The following PRDM2 variants were observed in gnomAD, a reference collection of about 807,000 sequenced individuals.
The protein encoded by PRDM2 is PR/SET domain 2.
PRDM2 carries 30 observed loss-of-function variants against 130.0 expected under a neutral mutation model. The observed-to-expected ratio is 0.23, with a 90% CI of 0.17 to 0.31. The LOEUF is 0.31. Ranked by LOEUF, PRDM2 falls within the 10% of genes least tolerant of loss-of-function variation. The pLI is 1.00. For missense variants in PRDM2, 2,011 were observed against 2,108.4 expected (o/e 0.95, Z 0.90); for synonymous variants, 871 against 782.4 (o/e 1.11, Z -1.89).
chr1:13,708,217 T>C (rs1217434248), intron 1 of PRDM2, among the ~76,000 whole-genome samples: 1 of 152,104 alleles, frequency 6.6e-6, no homozygotes, highest in Non-Finnish European at 1.5e-5. Flanking sequence ...GGAAGAGTTA[T>C]TCTGACAGGG....
chr1:13,793,817 A>C (rs757002127), intron 8 of PRDM2, among the ~76,000 whole-genome samples: 1 of 152,156 alleles, frequency 6.6e-6, no homozygotes, highest in Non-Finnish European at 1.5e-5. Context: ...TGATGAGCTA[A>C]AACAAAAGAA....
At chr1:13,770,225 G>T in intron 6 of PRDM2, 2 of 394,488 alleles carry the variant, frequency 5.1e-6, no homozygotes, top group Non-Finnish European at 1.0e-5. Flanking sequence ...AGTTCTCGCT[G>T]ATTAGGTTTT....
At chr1:13,723,230 A>G (rs1011929569) in intron 2 of PRDM2, among the ~76,000 whole-genome samples, 14 of 152,124 alleles carry the variant, frequency 9.2e-5, no homozygotes, top group African/African-American at 3.4e-4. Context: ...TCCCCCTGCC[A>G]TCCTAACTAA....
At chr1:13,748,206 T>C (rs940592528) in intron 5 of PRDM2, among the ~76,000 whole-genome samples, 2 of 152,250 alleles carry the variant, frequency 1.3e-5, no homozygotes, top group Non-Finnish European at 2.9e-5. Flanking sequence ...TTGTTTTTTT[T>C]CTTTTGTAAT....
At chr1:13,787,882 T>A in intron 8 of PRDM2, 1 of 982,616 alleles carries the variant, frequency 1.0e-6, no homozygotes, top group Non-Finnish European at 1.2e-6. Flanking sequence ...AATGTAGCAC[T>A]GAGAGAGAGA....
At chr1:13,714,956 A>G (rs940469418) in intron 1 of PRDM2, among the ~76,000 whole-genome samples, 2 of 152,222 alleles carry the variant, frequency 1.3e-5, no homozygotes, top group African/African-American at 2.4e-5. Context: ...TTATTTTACT[A>G]TACTATGAAT....
chr1:13,759,142 T>G (rs1408066649), intron 6 of PRDM2, among the ~76,000 whole-genome samples: 1 of 150,950 alleles, frequency 6.6e-6, no homozygotes, highest in Admixed American at 6.6e-5. Flanking sequence ...CAGCATTGCT[T>G]AGGCTAAAAT....
chr1:13,767,512 C>T (rs1644256277), intron 6 of PRDM2, among the ~76,000 whole-genome samples: 1 of 149,488 alleles, frequency 6.7e-6, no homozygotes. Flanking sequence ...CACTATGTTG[C>T]CAAGGCTGGT....
At chr1:13,756,186 C>G (rs910513068) in intron 6 of PRDM2, among the ~76,000 whole-genome samples, 1 of 151,354 alleles carries the variant, frequency 6.6e-6, no homozygotes, top group Non-Finnish European at 1.5e-5. Context: ...TGGCGTGAAC[C>G]CGGGAGGCAG....
chr1:13,805,262 C>T (rs1283000474), intron 8 of PRDM2, among the ~76,000 whole-genome samples: 7 of 152,162 alleles, frequency 4.6e-5, no homozygotes, highest in Admixed American at 1.3e-4. Context: ...TATGGCTCAG[C>T]GAGGTAGAGG....
chr1:13,742,150 C>A lies in PRDM2; in HGVS notation c.377C>A (p.Thr126Asn), dbSNP rs1410530027. Residue 126 changes from threonine to asparagine, a missense_variant, in exon 5 of 10, where the codon ACT (threonine) becomes AAT (asparagine). By Grantham distance (65) the Thr-to-Asn change is moderately conservative. This residue lies in a region of PRDM2 where 1,288 missense variants were observed against 1,237.7 expected (regional missense o/e 1.04). Coordinates refer to ENST00000311066, the MANE Select transcript of PRDM2 (RefSeq NM_001393986.1). ...ATCAACAGAGCCATTTACTATAAAA[C>A]TTTAAAGGTAACAGCATTAGAATTA... ...LEINRAIYYK[T>N]LKPIAPGEEL... 6.2e-7 allele frequency: 1 copy of A among 1,613,380 alleles called. No homozygotes were observed. Among genetic ancestry groups the A allele is most frequent in the South Asian group, 1.1e-5 (1 of 91,048 alleles).
intron 8 of PRDM2, among the ~76,000 whole-genome samples, chr1:13,808,724 C>T (rs947618468): frequency 2.0e-5 from 3 of 152,176 alleles, no homozygotes; most frequent in African/African-American, 2.4e-5. Context: ...TATTCACTCA[C>T]GCACAGTTAG....
chr1:13,792,729 G>T (rs1440380936), intron 8 of PRDM2, among the ~76,000 whole-genome samples: 1 of 152,216 alleles, frequency 6.6e-6, no homozygotes, highest in Admixed American at 6.5e-5. Context: ...GGACCCTCGG[G>T]GTGTAGCTAA....
chr1:13,808,859 C>T (rs1645127811), intron 8 of PRDM2, among the ~76,000 whole-genome samples: 1 of 152,188 alleles, frequency 6.6e-6, no homozygotes. Flanking sequence ...CGTGTGGGGG[C>T]CGGTGTGGGA....
rs182132916 is a variant in PRDM2 at position 13,816,465 on chromosome 1, C to T, written c.5075C>T (p.Ala1692Val). ...LRLASRCSPPAAPYITRQYRK... is the reference protein window; with the variant it reads ...LRLASRCSPPVAPYITRQYRK... ...TTGGCGTCCCGATGCTCTCCACCAG[C>T]GGCCCCGTACATCACCAGGCAGTAT... is the stretch of plus-strand genomic sequence containing the variant. The change falls in exon 9 of 10, where the codon GCG becomes GTG. Residue 1692 changes from alanine (A) to valine (V), a missense_variant. Physicochemically the swap from Ala to Val is moderately conservative, Grantham distance 64. This residue lies in a region of PRDM2 where 410 missense variants were observed against 395.9 expected (regional missense o/e 1.04). Transcript: ENST00000311066. 59 of 1,614,150 alleles carry T rather than the reference C, an allele frequency of 3.7e-5. No individual in the cohort carries two copies. The Middle Eastern group carries it at 8.2e-4, about 23-fold the overall frequency.
In PRDM2 at chr1:13,782,326, A is replaced by G. The variant is rs142517374; in HGVS notation, c.4531A>G (p.Ser1511Gly). ...SPASSDKNSN[S>G]NHRRRTADAE... ...TGCAAGTAGTGACAAAAACAGTAAC[A>G]GCAACCACCGCAGACGGACAGCGGA... is the stretch of plus-strand genomic sequence containing the variant. The change falls in exon 8 of 10, where the codon AGC becomes GGC. Residue 1511 changes from serine (S) to glycine (G), a missense_variant. Transcript: ENST00000311066. 189 of 1,613,978 alleles carry G rather than the reference A, an allele frequency of 1.2e-4. No individual in the cohort carries two copies. The African/African-American group carries it at 2.2e-3, about 18-fold the overall frequency.
intron 6 of PRDM2, among the ~76,000 whole-genome samples, chr1:13,757,958 T>C (rs1643999869): frequency 1.3e-5 from 2 of 152,160 alleles, no homozygotes; most frequent in South Asian, 2.1e-4. Flanking sequence ...CCCTAACCTA[T>C]CCATGTGTGC....
At chr1:13,741,346 C>G (rs1182303623) in intron 4 of PRDM2, among the ~76,000 whole-genome samples, 2 of 152,124 alleles carry the variant, frequency 1.3e-5, no homozygotes, top group Non-Finnish European at 2.9e-5. Flanking sequence ...ACTGATATTT[C>G]CCAGAGTCTA....
At chr1:13,707,307 C>G (rs1461424183) in intron 1 of PRDM2, among the ~76,000 whole-genome samples, 1 of 151,266 alleles carries the variant, frequency 6.6e-6, no homozygotes, top group Non-Finnish European at 1.5e-5. Flanking sequence ...ATTCACAAAT[C>G]TTTTGCAGGA....
Sources: allele counts gnomAD v4.1 joint callset (sites outside exome capture counted in the v4.1 genomes callset), GRCh38; gene constraint gnomAD v4.1.1; regional missense constraint gnomAD v4.1.1; transcripts MANE v1.5; gene names NCBI Gene and HGNC (gene_info 2026-07-23, HGNC 2026-07-21).